UNC79: variants seen among roughly 807,000 people sequenced by gnomAD.
UNC79 encodes the protein unc-79 subunit of NALCN channel complex.
UNC79 carries 37 observed loss-of-function variants against 283.1 expected under a neutral mutation model. The observed-to-expected ratio is 0.13, with a 90% confidence interval of 0.10 to 0.17. The LOEUF (loss-of-function observed/expected upper bound fraction) is 0.17. Ranked by LOEUF, UNC79 falls within the 10% of genes least tolerant of loss-of-function variation. UNC79 has a pLI of 1.00. For missense variants in UNC79, 2,272 were observed against 3,211.1 expected, an observed-to-expected ratio of 0.71 and a Z score of 7.07; for synonymous variants, 1,107 against 1,200.2, an observed-to-expected ratio of 0.92 and a Z score of 1.61.
At chr14:93,442,317 G>A (rs568272061) in intron 1 of UNC79, among the ~76,000 whole-genome samples, 5 of 151,994 alleles carry the variant, frequency 3.3e-5, no homozygotes, top group South Asian at 4.2e-4. Context: ...GATCCCTATC[G>A]TACACATGTT....
intron 1 of UNC79, among the ~76,000 whole-genome samples, chr14:93,419,969 C>G (rs1294631866): frequency 6.6e-6 from 1 of 150,806 alleles, no homozygotes; most frequent in Non-Finnish European, 1.5e-5. Flanking sequence ...TATTATTCAT[C>G]CCTTAAAAAC....
rs528019354 is a variant in UNC79, at chr14:93,446,950, A to C, written c.22+15899A>C. On this transcript the variant is annotated intron_variant, in intron 1 of 48. Coordinates refer to ENST00000555664, the Ensembl canonical transcript of UNC79. ...TCTACGCATTTGCGGATTTTTGTCT[A>C]ATTTTTCTAATAGTTGCTGTTAAAG... is the stretch of plus-strand genomic sequence containing the variant. Among the ~76,000 whole-genome samples the C allele has an allele frequency of 9.9e-5, 15 of 152,282 alleles. No homozygotes were observed. The East Asian group carries it at 2.9e-3, about 29-fold the overall frequency.
intron 1 of UNC79, among the ~76,000 whole-genome samples, chr14:93,397,830 A>G (rs1458995555): frequency 5.3e-5 from 8 of 149,802 alleles, no homozygotes; most frequent in Non-Finnish European, 1.0e-4. Flanking sequence ...AGACTGAAGC[A>G]GAAGGATCAC....
At chr14:93,347,933 G>A in intron 1 of UNC79, 1 of 747,506 alleles carries the variant, frequency 1.3e-6, no homozygotes, top group Non-Finnish European at 2.4e-6. Context: ...AACGGTCTAG[G>A]TGCTCAAAAT....
chr14:93,528,266 A>G (rs1268348380), intron 8 of UNC79, among the ~76,000 whole-genome samples: 1 of 152,208 alleles, frequency 6.6e-6, no homozygotes, highest in Non-Finnish European at 1.5e-5. Flanking sequence ...ATTGAACAAG[A>G]TGATATTTTG....
rs548920453 is a variant in UNC79 at position 93,454,029 on chromosome 14, A to G, written c.23-13642A>G. Among the ~76,000 whole-genome samples, 6 of 148,104 alleles carry G rather than the reference A, an allele frequency of 4.1e-5. No individual in the cohort carries two copies. The South Asian group carries it at 8.7e-4, about 21-fold the overall frequency. ...TCTCTGGGACATGTGAAGCATTTCC[A>G]TGTTTAGACTTTTTAAATCTTTTTT... On this transcript the variant is annotated intron_variant, in intron 1 of 48. Transcript: ENST00000555664.
At chr14:93,538,156 G>C (rs771758901) in exon 12 of UNC79, 1 of 1,613,780 alleles carries the variant, frequency 6.2e-7, no homozygotes, top group South Asian at 1.1e-5. Flanking sequence ...CCTCTCCTCC[G>C]CCCATCAACA....
intron 1 of UNC79, chr14:93,347,047 T>C (rs2053853074): frequency 2.1e-6 from 1 of 470,578 alleles, no homozygotes; most frequent in Non-Finnish European, 3.7e-6. Flanking sequence ...CACGGACTGC[T>C]GAGTGGAAAG....
chr14:93,695,894 A>AAAAAAAAAAAAAAAAAAAAAAC (rs1405057663), intron 47 of UNC79, among the ~76,000 whole-genome samples: 1 of 132,170 alleles, frequency 7.6e-6, no homozygotes, highest in Non-Finnish European at 1.7e-5. Flanking sequence ...TTGTCTCAAA[A>AAAAAAAAAAAAAAAAAAAAAAC]AAAAAAAAAA....
chr14:93,464,706 C>T, intron 1 of UNC79: 1 of 415,106 alleles, frequency 2.4e-6, no homozygotes. Flanking sequence ...GCCTTAGGGT[C>T]AGTTGAGGTT....
intron 1 of UNC79, among the ~76,000 whole-genome samples, chr14:93,358,195 C>T (rs1257594430): frequency 1.3e-5 from 2 of 151,954 alleles, no homozygotes; most frequent in African/African-American, 4.8e-5. Context: ...TTGGCATGAA[C>T]TGTTTAGAGA....
intron 7 of UNC79, among the ~76,000 whole-genome samples, chr14:93,502,209 C>T (rs558616671): frequency 4.6e-5 from 7 of 152,124 alleles, no homozygotes; most frequent in Non-Finnish European, 5.9e-5. Context: ...GTCAGGAGAT[C>T]GAGACCATCC....
intron 1 of UNC79, among the ~76,000 whole-genome samples, chr14:93,459,053 G>C (rs1049090951): frequency 2.0e-5 from 3 of 152,184 alleles, no homozygotes; most frequent in African/African-American, 7.2e-5. Context: ...GTGCCGTGGC[G>C]TGATCTCAGC....
At chr14:93,685,599 A>G (rs1316865422) in intron 42 of UNC79, among the ~76,000 whole-genome samples, 1 of 152,204 alleles carries the variant, frequency 6.6e-6, no homozygotes, top group Admixed American at 6.5e-5. Context: ...GCAGATTTAC[A>G]TGAATATGGG....
chr14:93,469,677 T>C (rs1030070937), intron 2 of UNC79, among the ~76,000 whole-genome samples: 1 of 152,076 alleles, frequency 6.6e-6, no homozygotes, highest in Non-Finnish European at 1.5e-5. Flanking sequence ...GCCACAAGTT[T>C]GAGATCAGCC....
chr14:93,689,044 T>C (rs960244739), intron 44 of UNC79: 1 of 518,696 alleles, frequency 1.9e-6, no homozygotes, highest in Non-Finnish European at 3.2e-6. Flanking sequence ...AAAATAAACC[T>C]GTCCTCCCAC....
intron 40 of UNC79, among the ~76,000 whole-genome samples, chr14:93,670,750 G>GC (rs1285172666): frequency 6.6e-6 from 1 of 152,202 alleles, no homozygotes; most frequent in Non-Finnish European, 1.5e-5. Context: ...GGGGCTGATA[G>GC]CCCCAACTCT....
intron 14 of UNC79, among the ~76,000 whole-genome samples, chr14:93,548,194 G>A (rs1268440685): frequency 1.3e-5 from 2 of 152,180 alleles, no homozygotes; most frequent in Admixed American, 1.3e-4. Flanking sequence ...GGCAGATTTA[G>A]TGTCTGGTGA....
chr14:93,412,219 C>G (rs1271123671), intron 1 of UNC79, among the ~76,000 whole-genome samples: 1 of 151,792 alleles, frequency 6.6e-6, no homozygotes, highest in Non-Finnish European at 1.5e-5. Context: ...TGAAGGCAGC[C>G]TATGTGAAAA....
Sources: allele counts gnomAD v4.1 joint callset (sites outside exome capture counted in the v4.1 genomes callset), GRCh38; gene constraint gnomAD v4.1.1; transcripts MANE v1.5; gene names NCBI Gene and HGNC (gene_info 2026-07-23, HGNC 2026-07-21).